TMTC2: variants seen among roughly 807,000 people sequenced by gnomAD.
TMTC2 encodes protein O-mannosyl-transferase TMTC2.
A neutral mutation model predicts 82.4 loss-of-function variants in TMTC2; 43 were observed. That is an observed-to-expected ratio of 0.52 (90% CI 0.41 to 0.67). The LOEUF is 0.67. Among genes scored for constraint, TMTC2 ranks in the 30% least tolerant of loss-of-function variants. TMTC2 has a pLI of 0.00. For synonymous variants in TMTC2, 408 were observed against 381.9 expected, an observed-to-expected ratio of 1.07 and a Z score of -0.80; for missense variants, 919 against 1,012.4, an observed-to-expected ratio of 0.91 and a Z score of 1.25.
At chr12:82,749,985 G>A (rs1333070456) in intron 1 of TMTC2, among the ~76,000 whole-genome samples, 1 of 152,000 alleles carries the variant, frequency 6.6e-6, no homozygotes, top group Non-Finnish European at 1.5e-5. Flanking sequence ...TGATCCACCT[G>A]CCTCGGCCAC....
chr12:82,852,437 T>G (rs1670128559), intron 1 of TMTC2, among the ~76,000 whole-genome samples: 1 of 152,116 alleles, frequency 6.6e-6, no homozygotes, highest in Admixed American at 6.6e-5. Context: ...AAAAAGACAG[T>G]TTCTCAGTCC....
At chr12:82,701,622 G>A (rs1219398496) in intron 1 of TMTC2, among the ~76,000 whole-genome samples, 1 of 149,960 alleles carries the variant, frequency 6.7e-6, no homozygotes, top group African/African-American at 2.4e-5. Context: ...ATTTCTGGGT[G>A]TGGAGGTGCA....
At chr12:83,077,238 G>A (rs1379537518) in intron 11 of TMTC2, among the ~76,000 whole-genome samples, 1 of 152,182 alleles carries the variant, frequency 6.6e-6, no homozygotes, top group Non-Finnish European at 1.5e-5. Context: ...TTCCACTGCG[G>A]CAGCCATAAG....
chr12:83,042,599 C>T (rs972205014), intron 9 of TMTC2, among the ~76,000 whole-genome samples: 15 of 152,184 alleles, frequency 9.9e-5, no homozygotes, highest in African/African-American at 3.6e-4. Context: ...TCCCTTATAG[C>T]TTCTCGCCTC....
At chr12:83,118,206 G>A (rs1214106179) in intron 11 of TMTC2, among the ~76,000 whole-genome samples, 1 of 152,052 alleles carries the variant, frequency 6.6e-6, no homozygotes, top group East Asian at 1.9e-4. Context: ...CCAGTACTGT[G>A]TTAAAGAAGA....
At chr12:82,802,393 C>A (rs956042413) in intron 1 of TMTC2, among the ~76,000 whole-genome samples, 1 of 152,162 alleles carries the variant, frequency 6.6e-6, no homozygotes, top group African/African-American at 2.4e-5. Context: ...AAAGGGGCTC[C>A]CACAGTGCAG....
chr12:82,833,815 A>G (rs534107861), intron 1 of TMTC2, among the ~76,000 whole-genome samples: 1 of 152,362 alleles, frequency 6.6e-6, no homozygotes, highest in African/African-American at 2.4e-5. Context: ...CCAAGTAAGT[A>G]GGAGGACTGG....
chr12:82,752,146 C>CTA lies in TMTC2; in HGVS notation c.83+64477_83+64478insTA, dbSNP rs1565734718. Among the ~76,000 whole-genome samples the CTA allele has an allele frequency of 1.3e-3, 20 of 15,380 alleles. No homozygotes were observed. The Non-Finnish European group carries it at 0.035, about 27-fold the overall frequency. 10.1% of individuals were successfully genotyped at this position (15,380 alleles called of 152,430 possible). A position where few individuals can be genotyped will look rare whatever the true frequency, so the allele number is the denominator to read the frequency against. Reference sequence around the variant, plus strand: ...TATGTTTTTATATTTATTGGAAGCTCCTTTTTTTTTTTTTTTTTTTCTGAA... The same window carrying CTA: ...TATGTTTTTATATTTATTGGAAGCTCTACTTTTTTTTTTTTTTTTTTTCTGAA... On this transcript the variant is annotated intron_variant, in intron 1 of 11. Coordinates refer to ENST00000321196, the MANE Select transcript of TMTC2 (RefSeq NM_152588.3).
chr12:83,101,348 CT>C (rs1884209017), intron 11 of TMTC2, among the ~76,000 whole-genome samples: 1 of 152,128 alleles, frequency 6.6e-6, no homozygotes, highest in Non-Finnish European at 1.5e-5. Flanking sequence ...AAAGGCTAAA[CT>C]GAGAATGATT....
At chr12:82,954,822 C>T (rs1045755053) in intron 4 of TMTC2, among the ~76,000 whole-genome samples, 1 of 152,162 alleles carries the variant, frequency 6.6e-6, no homozygotes, top group Admixed American at 6.5e-5. Flanking sequence ...CAAAGAGACA[C>T]TGACAATTTG....
chr12:83,050,995 C>G lies in TMTC2; in HGVS notation c.2244C>G (p.Val748=), dbSNP rs2137456994. 6.2e-7 allele frequency: 1 copy of G among 1,611,560 alleles called. No individual in the cohort carries two copies. The highest frequency in any genetic ancestry group is 2.2e-5 in the East Asian group (1 of 44,706). Residue 748 remains valine (V), a synonymous_variant, in exon 10 of 12, where the codon GTC becomes GTG. Transcript: ENST00000321196. Reference sequence around the variant, plus strand: ...TAGACAGCACAGAGTTTGATGTTGTCTTCAATGCTGCCCACATGCTCAGGT... The same window carrying G: ...TAGACAGCACAGAGTTTGATGTTGTGTTCAATGCTGCCCACATGCTCAGGT... The part of the protein sequence containing the change: ...AELDSTEFDV[V]FNAAHMLRQA...
rs1874239694 is a variant in TMTC2, at chr12:82,722,268, T to C, written c.83+34599T>C. On this transcript the variant is annotated intron_variant, in intron 1 of 11. Transcript: ENST00000321196. ...TGTGAAAGAATGATTTAAATACTAA[T>C]GTGAGGTTGGGCGCGGTGGCTCACT... Among the ~76,000 whole-genome samples the C allele has an allele frequency of 4.6e-5, 7 of 151,870 alleles. No individual in the cohort carries two copies. In the South Asian group the frequency reaches 1.2e-3, roughly 27 times the overall value.
At chr12:83,122,946 G>A (rs184175733) in intron 11 of TMTC2, among the ~76,000 whole-genome samples, 75 of 152,260 alleles carry the variant, frequency 4.9e-4, no homozygotes, top group Non-Finnish European at 7.9e-4. Flanking sequence ...AAATAGGATC[G>A]TCTTTACTGA....
intron 8 of TMTC2, among the ~76,000 whole-genome samples, chr12:82,996,682 G>A (rs1465497893): frequency 6.6e-6 from 1 of 152,144 alleles, no homozygotes; most frequent in African/African-American, 2.4e-5. Context: ...ACTGACTGTT[G>A]TATAAAGCCA....
chr12:82,862,204 T>C (rs1269519500), intron 2 of TMTC2, among the ~76,000 whole-genome samples: 1 of 152,194 alleles, frequency 6.6e-6, no homozygotes, highest in Non-Finnish European at 1.5e-5. Flanking sequence ...TACTAGACTT[T>C]TATCTGCCCA....
intron 11 of TMTC2, among the ~76,000 whole-genome samples, chr12:83,127,852 GAAGAAA>G (rs1332366615): frequency 6.6e-6 from 1 of 152,050 alleles, no homozygotes; most frequent in African/African-American, 2.4e-5. Context: ...CTCCACAGTT[GAAGAAA>G]TAAGCCAAAG....
At chr12:82,962,663 G>A (rs1232782417) in intron 4 of TMTC2, among the ~76,000 whole-genome samples, 1 of 151,946 alleles carries the variant, frequency 6.6e-6, no homozygotes, top group Non-Finnish European at 1.5e-5. Flanking sequence ...ATTTCAGTGA[G>A]CCTCTACCTT....
chr12:82,740,133 C>T (rs1271540759), intron 1 of TMTC2, among the ~76,000 whole-genome samples: 1 of 152,092 alleles, frequency 6.6e-6, no homozygotes, highest in African/African-American at 2.4e-5. Context: ...TCTAGCAGAT[C>T]CTCTGATTTT....
At chr12:82,946,466 T>TA (rs1876998482) in intron 4 of TMTC2, among the ~76,000 whole-genome samples, 1 of 152,208 alleles carries the variant, frequency 6.6e-6, no homozygotes, top group Non-Finnish European at 1.5e-5. Flanking sequence ...AAAGAATACC[T>TA]AAGGATGCCC....
Sources: gnomAD v4.1 joint callset for allele counts (sites outside exome capture counted in the v4.1 genomes callset) on GRCh38, gnomAD v4.1.1 for gene constraint, MANE v1.5 for transcripts, NCBI Gene and HGNC (gene_info 2026-07-23, HGNC 2026-07-21) for gene names.